Variants in CCND3 observed in about 807,000 individuals in gnomAD.
CCND3 encodes the protein cyclin D3, also known as G1/S-specific cyclin-D3.
In CCND3, 9 loss-of-function variants were observed where a neutral mutation model predicts 28.7. The observed-to-expected ratio is 0.31, with a 90% CI of 0.19 to 0.55. CCND3 has a LOEUF of 0.55. Ranked by LOEUF, CCND3 falls within the 20% of genes least tolerant of loss-of-function variation. The pLI is 0.93. For missense variants in CCND3, 315 were observed against 385.8 expected (o/e 0.82, Z 1.54); for synonymous variants, 164 against 163.9 (o/e 1.00, Z 0.00).
intron 1 of CCND3, among the ~76,000 whole-genome samples, chr6:42,047,234 G>C: frequency 6.6e-6 from 1 of 152,228 alleles, no homozygotes; most frequent in African/African-American, 2.4e-5. Context: ...GAGGCTTTCA[G>C]TGTTAAGTTC....
chr6:42,042,527 A>G (rs927526346), intron 1 of CCND3, among the ~76,000 whole-genome samples: 1 of 151,848 alleles, frequency 6.6e-6, no homozygotes, highest in East Asian at 1.9e-4. Flanking sequence ...CACCCAGCTA[A>G]TTTTGTCTTT....
At position 42,048,454 on chromosome 6, in the gene CCND3, T is replaced by G. The variant is rs1020930170; in HGVS notation, c.-46+47A>C. The G allele has an allele frequency of 2.1e-6, 1 of 465,324 alleles. No homozygotes were observed. Among genetic ancestry groups the G allele is most frequent in the African/African-American group, 2.0e-5 (1 of 50,504 alleles). 28.8% of individuals were successfully genotyped at this position (465,324 alleles called of 1,614,324 possible). A position where few individuals can be genotyped will look rare whatever the true frequency, so the allele number is the denominator to read the frequency against. ...GATCCCCAACGCATGGTCTCCAGCC[T>G]GAGCTGACATCCCATCTACCCCGGT... On this transcript the variant is annotated intron_variant, in intron 1 of 4. Transcript: ENST00000372988. The surrounding 1 kb of genome is among the most constrained non-coding windows in gnomAD (Gnocchi z 4.7).
chr6:42,008,201 C>T (rs937169064), intron 1 of CCND3, among the ~76,000 whole-genome samples: 10 of 151,908 alleles, frequency 6.6e-5, no homozygotes, highest in Non-Finnish European at 1.0e-4. Flanking sequence ...GCCAACATGG[C>T]GAAACCCCAT....
intron 1 of CCND3, among the ~76,000 whole-genome samples, chr6:42,029,680 A>G (rs992221455): frequency 1.3e-5 from 2 of 151,930 alleles, no homozygotes; most frequent in African/African-American, 4.8e-5. Flanking sequence ...TGTACTGAAA[A>G]TACAAAATTA....
chr6:41,996,402 G>A (rs747173127), intron 1 of CCND3, among the ~76,000 whole-genome samples: 81 of 151,362 alleles, frequency 5.4e-4, no homozygotes, highest in Non-Finnish European at 1.1e-3. Context: ...CGCTCGCCTC[G>A]GCCTCCCAAA....
At chr6:41,971,042 C>T (rs984164126) in intron 1 of CCND3, among the ~76,000 whole-genome samples, 2 of 151,990 alleles carry the variant, frequency 1.3e-5, no homozygotes, top group African/African-American at 2.4e-5. Context: ...CGCAGCCTCC[C>T]GAGTAGCTGG....
intron 1 of CCND3, among the ~76,000 whole-genome samples, chr6:41,964,422 ATG>A (rs775077134): frequency 3.0e-5 from 4 of 131,280 alleles, no homozygotes; most frequent in East Asian, 2.3e-4. Flanking sequence ...CTGTGTGTGA[ATG>A]TGTTTGTGTG....
chr6:41,958,789 C>T (rs939398813), intron 1 of CCND3, among the ~76,000 whole-genome samples: 1 of 152,126 alleles, frequency 6.6e-6, no homozygotes, highest in African/African-American at 2.4e-5. Flanking sequence ...ATGGTGCACC[C>T]TTTCACTCTC....
At chr6:41,937,179 C>A (rs767127766) in intron 3 of CCND3, 56 bp downstream of exon 3, 1 of 1,578,620 alleles carries the variant, frequency 6.3e-7, no homozygotes, top group Admixed American at 1.7e-5. Context: ...TTACCTCTCA[C>A]CCTTATAAGT....
Position 42,036,323 on chromosome 6 carries a change from T to A in CCND3, c.-46+12178A>T, listed in dbSNP as rs1217682210. 2.9e-4 allele frequency among the ~76,000 whole-genome samples: 38 copies of A among 133,080 alleles called. 1 individual carries two copies. Among genetic ancestry groups the A allele is most frequent in the Admixed American group, 5.8e-4 (7 of 12,060 alleles). The allele number at this position is 133,080 out of a possible 152,430, so 87.3% of individuals were successfully genotyped here. On this transcript the variant is annotated intron_variant, in intron 1 of 4. Transcript: ENST00000372988. The stretch of plus-strand genomic sequence containing the variant: ...ATTATTATTTATATATATATATATA[T>A]AAAATATATATATGGAGCCTTGCTC...
chr6:42,024,982 C>A (rs148221389), intron 1 of CCND3, among the ~76,000 whole-genome samples: 1,851 of 152,216 alleles, frequency 0.012, 31 homozygotes, highest in African/African-American at 0.042. Flanking sequence ...CGCTCGAACC[C>A]AGGAGGTGGA....
intron 1 of CCND3, among the ~76,000 whole-genome samples, chr6:41,953,350 A>G (rs1290565599): frequency 1.3e-5 from 2 of 151,732 alleles, no homozygotes; most frequent in Admixed American, 1.3e-4. Context: ...AACTATATAT[A>G]CACAACTGGG....
intron 1 of CCND3, among the ~76,000 whole-genome samples, chr6:42,000,562 A>ATTTTTTTTTT (rs1458063924): frequency 1.4e-4 from 2 of 13,990 alleles, no homozygotes; most frequent in African/African-American, 2.0e-4. Flanking sequence ...GGTGAAACGA[A>ATTTTTTTTTT]TCTTTTTTTT....
chr6:41,997,665 G>A (rs989139865), intron 1 of CCND3, among the ~76,000 whole-genome samples: 1 of 152,180 alleles, frequency 6.6e-6, no homozygotes, highest in East Asian at 1.9e-4. Flanking sequence ...GCCAAGATAA[G>A]AGGATCACTT....
chr6:42,036,755 T>A (rs949464982), intron 1 of CCND3, among the ~76,000 whole-genome samples: 3 of 151,956 alleles, frequency 2.0e-5, no homozygotes, highest in Admixed American at 2.0e-4. Flanking sequence ...TTTCTTCATA[T>A]ACATCAATGA....
intron 1 of CCND3, among the ~76,000 whole-genome samples, chr6:42,025,892 A>G (rs1763862330): frequency 6.6e-6 from 1 of 152,188 alleles, no homozygotes; most frequent in Non-Finnish European, 1.5e-5. Flanking sequence ...TATCCATGGT[A>G]AGCACTTAAT....
intron 1 of CCND3, among the ~76,000 whole-genome samples, chr6:42,019,039 G>A (rs75154565): frequency 5.3e-5 from 8 of 151,972 alleles, no homozygotes; most frequent in Admixed American, 2.6e-4. Flanking sequence ...ACACAAATTA[G>A]ATATTCTTGT....
chr6:42,001,731 C>T (rs982156318), intron 1 of CCND3, among the ~76,000 whole-genome samples: 3 of 151,948 alleles, frequency 2.0e-5, no homozygotes, highest in African/African-American at 4.8e-5. Context: ...GGGCGGGGGG[C>T]GGAGTGTGCC....
At chr6:41,986,781 A>G (rs529745932) in intron 1 of CCND3, among the ~76,000 whole-genome samples, 1 of 152,144 alleles carries the variant, frequency 6.6e-6, no homozygotes, top group African/African-American at 2.4e-5. Flanking sequence ...TGCTCTAGCA[A>G]GGACCTCCAA....
Sources: gnomAD v4.1 joint callset for allele counts (sites outside exome capture counted in the v4.1 genomes callset) on GRCh38, gnomAD v4.1.1 for gene constraint, Gnocchi (gnomAD v3.1) non-coding constraint, MANE v1.5 for transcripts, NCBI Gene and HGNC (gene_info 2026-07-23, HGNC 2026-07-21) for gene names.